POFUT4: variants seen among roughly 807,000 people sequenced by gnomAD.
The protein encoded by POFUT4 is GDP-fucose protein O-fucosyltransferase 4.
the POFUT4 span, chr10:73,772,580 C>A: frequency 2.5e-6 from 4 of 1,587,990 alleles, no homozygotes; most frequent in African/African-American, 4.1e-5. Context: ...GTGGTGGAGC[C>A]CAGGGCTATT....
chr10:73,772,609 C>G, the POFUT4 span: 13 of 1,565,766 alleles, frequency 8.3e-6, no homozygotes, highest in Non-Finnish European at 8.7e-7. Flanking sequence ...TCCCGGGAGA[C>G]TCGGAGCGCA....
the POFUT4 span, among the ~76,000 whole-genome samples, chr10:73,778,556 A>C: frequency 1.3e-5 from 2 of 152,162 alleles, no homozygotes. Flanking sequence ...CTCTAGTTGT[A>C]ATGTATTAGT....
At chr10:73,774,486 A>G in the POFUT4 span, 1 of 152,016 alleles carries the variant, frequency 6.6e-6, no homozygotes, top group African/African-American at 2.4e-5. Context: ...AATATAATAT[A>G]TAATATAATA....
chr10:73,778,412 A>AT, the POFUT4 span, among the ~76,000 whole-genome samples: 1 of 149,158 alleles, frequency 6.7e-6, no homozygotes, highest in Admixed American at 6.7e-5. Flanking sequence ...AAAAAAAAAA[A>AT]GCTTAGTCAG....
the POFUT4 span, chr10:73,773,510 T>C: frequency 1.2e-6 from 2 of 1,614,230 alleles, no homozygotes; most frequent in East Asian, 4.5e-5. Context: ...TGGACAAGAA[T>C]GATGAGGAGT....
At chr10:73,777,133 C>A in the POFUT4 span, among the ~76,000 whole-genome samples, 1 of 152,184 alleles carries the variant, frequency 6.6e-6, no homozygotes, top group Non-Finnish European at 1.5e-5. Context: ...CAGAAAGATT[C>A]AGTGGCTGTT....
the POFUT4 span, among the ~76,000 whole-genome samples, chr10:73,777,424 C>A: frequency 7.2e-4 from 110 of 152,162 alleles, no homozygotes; most frequent in African/African-American, 2.5e-3. Context: ...TACAAAGTCC[C>A]ATCTTCTGCA....
chr10:73,777,844 C>T, the POFUT4 span, among the ~76,000 whole-genome samples: 74 of 150,762 alleles, frequency 4.9e-4, no homozygotes, highest in African/African-American at 1.6e-3. Context: ...CGTGAGCCAC[C>T]GTGCCCAGGT....
At chr10:73,772,686 G>C in the POFUT4 span, 2 of 1,563,362 alleles carry the variant, frequency 1.3e-6, no homozygotes, top group Non-Finnish European at 1.7e-6. Context: ...TCGCGGACGC[G>C]CGCGCTGCTC....
At chr10:73,773,734 A>G in the POFUT4 span, 51 of 1,614,074 alleles carry the variant, frequency 3.2e-5, 1 homozygote, top group South Asian at 4.7e-4. Context: ...TTTGAGCCCC[A>G]CATTGCCCAG....
chr10:73,779,258 TAA>T, the POFUT4 span: 122 of 136,824 alleles, frequency 8.9e-4, no homozygotes, highest in Middle Eastern at 3.9e-3. Context: ...GACCTCTGTC[TAA>T]AAAAAAAAAA....
the POFUT4 span, chr10:73,774,140 A>C: frequency 7.8e-6 from 2 of 255,778 alleles, no homozygotes; most frequent in Non-Finnish European, 1.5e-5. Flanking sequence ...GGACAAGGCT[A>C]TAAATATCAT....
At chr10:73,772,946 C>A in the POFUT4 span, 2 of 1,607,448 alleles carry the variant, frequency 1.2e-6, no homozygotes, top group Non-Finnish European at 1.7e-6. Flanking sequence ...GGAGTGGCGC[C>A]GCCGCGGCTA....
At chr10:73,775,090 G>A in the POFUT4 span, 1 of 272,048 alleles carries the variant, frequency 3.7e-6, no homozygotes, top group East Asian at 6.9e-5. Context: ...GAAACATTAA[G>A]AAAATAAATA....
chr10:73,775,132 C>T, the POFUT4 span: 1 of 432,134 alleles, frequency 2.3e-6, no homozygotes, highest in Non-Finnish European at 4.2e-6. Flanking sequence ...ATACTGGATG[C>T]TACTTCATTT....
At chr10:73,773,570 T>C in the POFUT4 span, 3 of 1,614,246 alleles carry the variant, frequency 1.9e-6, no homozygotes, top group Non-Finnish European at 1.7e-6. Context: ...CCAACCAATT[T>C]CTTCTGGATA....
the POFUT4 span, chr10:73,772,502 G>T: frequency 3.8e-6 from 6 of 1,561,132 alleles, no homozygotes; most frequent in Non-Finnish European, 5.2e-6. Context: ...GGGCGCAGTG[G>T]GGGTGACGCG....
At chr10:73,773,008 C>T in the POFUT4 span, 4 of 1,585,886 alleles carry the variant, frequency 2.5e-6, no homozygotes, top group Non-Finnish European at 3.4e-6. Flanking sequence ...CGGACCGGGA[C>T]CGCTACGTGC....
the POFUT4 span, among the ~76,000 whole-genome samples, chr10:73,777,821 C>G: frequency 4.0e-5 from 6 of 151,320 alleles, no homozygotes; most frequent in East Asian, 9.7e-4. Context: ...TCCCAAAGTC[C>G]TGGGATTACA....
Sources: allele counts gnomAD v4.1 joint callset (sites outside exome capture counted in the v4.1 genomes callset), GRCh38; gene constraint gnomAD v4.1.1; transcripts MANE v1.5; gene names NCBI Gene and HGNC (gene_info 2026-07-23, HGNC 2026-07-21).